LTBP1: variants seen among roughly 807,000 people sequenced by gnomAD.
The protein encoded by LTBP1 is latent-transforming growth factor beta-binding protein 1.
In LTBP1, 129 loss-of-function variants were observed where a neutral mutation model predicts 207.6. The ratio of observed to expected loss-of-function variants is 0.62; its 90% confidence interval spans 0.54 to 0.72. LTBP1 has a LOEUF of 0.72. Ranked by LOEUF, LTBP1 falls within the 30% of genes least tolerant of loss-of-function variation. The pLI is 0.00. For missense variants in LTBP1, 2,281 were observed against 2,217.2 expected (o/e 1.03, Z -0.58); for synonymous variants, 963 against 833.7 (o/e 1.16, Z -2.67).
intron 2 of LTBP1, among the ~76,000 whole-genome samples, chr2:32,971,890 A>G (rs1049126832): frequency 2.0e-5 from 3 of 152,032 alleles, no homozygotes; most frequent in African/African-American, 4.8e-5. Flanking sequence ...CCTCTTCTTT[A>G]TATGTCTGGT....
intron 4 of LTBP1, among the ~76,000 whole-genome samples, chr2:33,115,942 A>T (rs956719596): frequency 4.6e-5 from 7 of 152,250 alleles, no homozygotes; most frequent in African/African-American, 1.2e-4. Flanking sequence ...TAAAAATGAT[A>T]TGGAATGCTT....
chr2:33,167,140 T>G (rs549906871), intron 5 of LTBP1, among the ~76,000 whole-genome samples: 132 of 152,242 alleles, frequency 8.7e-4, no homozygotes, highest in African/African-American at 3.1e-3. Flanking sequence ...GTAAATTGAT[T>G]AAAAAGTGAG....
At chr2:33,396,475 G>A (rs987738996) in intron 32 of LTBP1, among the ~76,000 whole-genome samples, 3 of 152,176 alleles carry the variant, frequency 2.0e-5, no homozygotes, top group African/African-American at 7.2e-5. Context: ...GCCCGCCTCA[G>A]CCTCCCAAAG....
chr2:33,309,889 C>CCTTT (rs2094155991), intron 23 of LTBP1, among the ~76,000 whole-genome samples: 1 of 151,016 alleles, frequency 6.6e-6, no homozygotes, highest in African/African-American at 2.4e-5. Flanking sequence ...TTTATTTTGT[C>CCTTT]TCATAGGTGG....
intron 9 of LTBP1, among the ~76,000 whole-genome samples, chr2:33,241,465 T>C (rs1332301309): frequency 6.6e-6 from 1 of 152,158 alleles, no homozygotes; most frequent in East Asian, 1.9e-4. Flanking sequence ...GTACTAGGCA[T>C]TGGTTGTAAA....
At chr2:33,256,180 G>A (rs2092845024) in intron 11 of LTBP1, among the ~76,000 whole-genome samples, 1 of 151,966 alleles carries the variant, frequency 6.6e-6, no homozygotes, top group African/African-American at 2.4e-5. Flanking sequence ...AGTTAAATGA[G>A]CTGGTCACGG....
chr2:33,387,011 G>C (rs2095271753), intron 31 of LTBP1, among the ~76,000 whole-genome samples: 1 of 151,954 alleles, frequency 6.6e-6, no homozygotes, highest in Non-Finnish European at 1.5e-5. Flanking sequence ...TGTATTTTTA[G>C]TAGAGACAGG....
intron 5 of LTBP1, among the ~76,000 whole-genome samples, chr2:33,147,165 T>C (rs2083124207): frequency 6.6e-6 from 1 of 152,204 alleles, no homozygotes; most frequent in African/African-American, 2.4e-5. Flanking sequence ...AAGGTACAGA[T>C]GCCCAGCCTG....
rs556900675 is a variant in LTBP1, at chr2:32,991,623, A to G, written c.566-29286A>G. Among the ~76,000 whole-genome samples the G allele has an allele frequency of 3.3e-5, 5 of 152,342 alleles. No individual in the cohort carries two copies. The East Asian group carries it at 5.8e-4, about 18-fold the overall frequency. On this transcript the variant is annotated intron_variant, in intron 2 of 33. Transcript: ENST00000404816. ...AGTGACATGGGTAAAGTTTCGGTCA[A>G]CTGTTTTCAGTTGTTGTAACATGAC...
chr2:33,237,128 G>A (rs112843916), intron 9 of LTBP1, among the ~76,000 whole-genome samples: 17 of 152,300 alleles, frequency 1.1e-4, no homozygotes, highest in African/African-American at 3.8e-4. Flanking sequence ...TGGCCCCAGA[G>A]AGCAGCATTT....
intron 18 of LTBP1, among the ~76,000 whole-genome samples, chr2:33,278,131 C>G (rs1173423123): frequency 6.6e-6 from 1 of 151,518 alleles, no homozygotes; most frequent in Non-Finnish European, 1.5e-5. Flanking sequence ...TGCACCCGGC[C>G]CAAATACTGA....
chr2:33,082,172 A>C (rs1293662698), intron 3 of LTBP1, among the ~76,000 whole-genome samples: 1 of 152,100 alleles, frequency 6.6e-6, no homozygotes, highest in East Asian at 1.9e-4. Flanking sequence ...TAGAAGAATA[A>C]GCTCAGCCCC....
chr2:33,152,216 A>C (rs1048772824), intron 5 of LTBP1, among the ~76,000 whole-genome samples: 4 of 152,110 alleles, frequency 2.6e-5, no homozygotes, highest in African/African-American at 9.7e-5. Context: ...TCAAAAAAGC[A>C]GTAAGAAAAA....
intron 3 of LTBP1, among the ~76,000 whole-genome samples, chr2:33,077,699 G>A (rs1231171171): frequency 6.6e-6 from 1 of 152,144 alleles, no homozygotes; most frequent in Non-Finnish European, 1.5e-5. Flanking sequence ...TGAGATTTGG[G>A]TGGGGACACA....
At chr2:33,365,883 G>A (rs12105119) in intron 31 of LTBP1, among the ~76,000 whole-genome samples, 11,521 of 152,108 alleles carry the variant, frequency 0.076, 475 homozygotes, top group Non-Finnish European at 0.086. Flanking sequence ...TATTAGAGAC[G>A]GTAGAAAATC....
chr2:33,074,477 C>G (rs2077968377), intron 3 of LTBP1, among the ~76,000 whole-genome samples: 1 of 152,198 alleles, frequency 6.6e-6, no homozygotes, highest in Non-Finnish European at 1.5e-5. Flanking sequence ...TGGCTCATGC[C>G]TGTAACCCCA....
intron 5 of LTBP1, among the ~76,000 whole-genome samples, chr2:33,172,715 T>G (rs1292892200): frequency 6.6e-6 from 1 of 152,170 alleles, no homozygotes. Context: ...TTTTCAGCAC[T>G]GCACAACACC....
chr2:32,954,817 G>A lies in LTBP1; in HGVS notation c.565+5872G>A, dbSNP rs1455538358. On this transcript the variant is annotated intron_variant, in intron 2 of 33. Coordinates refer to ENST00000404816, the MANE Select transcript of LTBP1 (RefSeq NM_206943.4). Reference sequence around the variant, plus strand: ...GATGGGTGGGCGGGGCTTTGACTGGGCCCCTGCCACACAATCTGTGACTGT... The same window carrying A: ...GATGGGTGGGCGGGGCTTTGACTGGACCCCTGCCACACAATCTGTGACTGT... Among the ~76,000 whole-genome samples, 4 of 152,118 alleles carry A rather than the reference G, an allele frequency of 2.6e-5. No individual in the cohort carries two copies. In the East Asian group the frequency reaches 7.7e-4, roughly 29 times the overall value.
chr2:33,396,758 G>A (rs963619184), intron 32 of LTBP1, among the ~76,000 whole-genome samples: 3 of 152,172 alleles, frequency 2.0e-5, no homozygotes. Flanking sequence ...CTCCGATAGT[G>A]AATTCTGTTG....
Sources: allele counts gnomAD v4.1 joint callset (sites outside exome capture counted in the v4.1 genomes callset), GRCh38; gene constraint gnomAD v4.1.1; transcripts MANE v1.5; gene names NCBI Gene and HGNC (gene_info 2026-07-23, HGNC 2026-07-21).